Variants in NARS1 observed in about 807,000 individuals in gnomAD.
NARS1 encodes asparagine--tRNA ligase, cytoplasmic.
Under a neutral mutation model 79.2 loss-of-function variants are expected in NARS1, and 65 were observed. That is an observed-to-expected ratio of 0.82 (90% CI 0.67 to 1.01). The LOEUF (loss-of-function observed/expected upper bound fraction) is 1.01. Ranked by LOEUF, NARS1 falls within the 50% of genes least tolerant of loss-of-function variation. The pLI is 0.00. For synonymous variants in NARS1, 229 were observed against 238.8 expected (o/e 0.96, Z 0.38); for missense variants, 649 against 673.8 (o/e 0.96, Z 0.41).
At position 57,600,696 on chromosome 18, in the gene NARS1, A is replaced by G. The variant is rs1050530045; in HGVS notation, c.*956T>C. On this transcript the variant is annotated 3_prime_UTR_variant, in exon 14 of 14. Coordinates refer to ENST00000256854, the MANE Select transcript of NARS1 (RefSeq NM_004539.4). ...TTCATTTATTGACTGCTGGGAATAC[A>G]GCCTATTGAGAATACATGACATGCA... The G allele has an allele frequency of 1.5e-4, 23 of 152,224 alleles. No individual in the cohort carries two copies. Among genetic ancestry groups the G allele is most frequent in the African/African-American group, 4.8e-4 (20 of 41,456 alleles). The allele number at this position is 152,224 out of a possible 1,614,324, so 9.4% of individuals were successfully genotyped here. A position where few individuals can be genotyped will look rare whatever the true frequency, so the allele number is the denominator to read the frequency against.
intron 10 of NARS1, among the ~76,000 whole-genome samples, chr18:57,606,353 AATATAT>A (rs71855772): frequency 0.014 from 149 of 10,942 alleles, 2 homozygotes; most frequent in African/African-American, 0.02. Flanking sequence ...TCAAAAAAAA[AATATAT>A]ATATATATAT....
Position 57,621,795 on chromosome 18 carries a change from C to T in NARS1, c.-78G>A, listed in dbSNP as rs1247364561. On this transcript the variant is annotated 5_prime_UTR_variant, in exon 1 of 14. Coordinates refer to ENST00000256854, the MANE Select transcript of NARS1 (RefSeq NM_004539.4). ...GTCTTATGACTCCAACGTGCACCGGCGGTTTCCGCGATTCCGGCGTTGCAT... is the reference window on the plus strand; with the variant it reads ...GTCTTATGACTCCAACGTGCACCGGTGGTTTCCGCGATTCCGGCGTTGCAT... 4 of 1,607,812 alleles carry T rather than the reference C, an allele frequency of 2.5e-6. No homozygotes were observed. The highest frequency in any genetic ancestry group is 3.4e-6 in the Non-Finnish European group (4 of 1,178,264).
chr18:57,607,869 CTTT>C (rs1197731953), intron 7 of NARS1, among the ~76,000 whole-genome samples: 6 of 142,132 alleles, frequency 4.2e-5, no homozygotes, highest in Admixed American at 1.4e-4. Context: ...ACACAAATAT[CTTT>C]TTTTTTTTTT....
chr18:57,608,846 C>CA (rs1328080971), intron 7 of NARS1, among the ~76,000 whole-genome samples: 1 of 152,208 alleles, frequency 6.6e-6, no homozygotes, highest in Non-Finnish European at 1.5e-5. Context: ...GAGGCAGACC[C>CA]ACCCTCAATG....
In NARS1 at chr18:57,609,351, A is replaced by G. The variant is rs1424946533; in HGVS notation, c.579+6T>C. ...ATTCACCCAGTGCGAAACTCAATCC[A>G]CTCACCTGCTTGCCCTTTGGGGTAA... On this transcript the variant is annotated splice_donor_region_variant and intron_variant, in intron 7 of 13. Coordinates refer to ENST00000256854, the MANE Select transcript of NARS1 (RefSeq NM_004539.4). 3 of 1,609,760 alleles carry G rather than the reference A, an allele frequency of 1.9e-6. No homozygotes were observed. Among genetic ancestry groups the G allele is most frequent in the South Asian group, 2.2e-5 (2 of 90,752 alleles).
chr18:57,614,924 C>A (rs1017601233), intron 4 of NARS1, among the ~76,000 whole-genome samples: 4 of 152,152 alleles, frequency 2.6e-5, no homozygotes, highest in Admixed American at 1.3e-4. Flanking sequence ...GCCTGTATTC[C>A]CAGCACTTTG....
intron 2 of NARS1, among the ~76,000 whole-genome samples, chr18:57,618,844 G>A (rs1238065066): frequency 2.6e-5 from 4 of 152,112 alleles, no homozygotes; most frequent in African/African-American, 9.7e-5. Flanking sequence ...TGAAGCTGCA[G>A]TGAGCCATGA....
intron 5 of NARS1, among the ~76,000 whole-genome samples, chr18:57,612,713 G>C (rs1294886648): frequency 6.6e-6 from 1 of 152,184 alleles, no homozygotes; most frequent in Non-Finnish European, 1.5e-5. Context: ...TGGGATTATA[G>C]GCGTGAGCCA....
chr18:57,607,196 A>G lies in NARS1; in HGVS notation c.939T>C (p.Asp313=), dbSNP rs763121237. Residue 313 remains aspartate (D), a synonymous_variant, in exon 9 of 14, where the codon GAT becomes GAC. Transcript: ENST00000256854. ...YLETCLPALG[D]VFCIAQSYRA... ...GGTATGACTGAGCAATACAAAAAAC[A>G]TCTCCCAGGGCTGGGAGGCAGGTCT... 1 of 1,614,180 alleles carries G rather than the reference A, an allele frequency of 6.2e-7. No homozygotes were observed. Among genetic ancestry groups the G allele is most frequent in the South Asian group, 1.1e-5 (1 of 91,090 alleles).
intron 12 of NARS1, 55 bp downstream of exon 12, chr18:57,602,754 ACAG>A: frequency 1.3e-6 from 2 of 1,558,650 alleles, no homozygotes; most frequent in Non-Finnish European, 1.8e-6. Flanking sequence ...ATTCCAGATG[ACAG>A]TCCCCACCCC....
intron 2 of NARS1, among the ~76,000 whole-genome samples, chr18:57,618,360 T>A (rs950938943): frequency 2.6e-5 from 4 of 151,686 alleles, no homozygotes; most frequent in African/African-American, 9.7e-5. Context: ...TGAATACATG[T>A]AGGTCGTTCG....
Position 57,601,040 on chromosome 18 carries a change from A to T in NARS1, c.*612T>A, listed in dbSNP as rs954466251. On this transcript the variant is annotated 3_prime_UTR_variant, in exon 14 of 14. Coordinates refer to ENST00000256854, the MANE Select transcript of NARS1 (RefSeq NM_004539.4). ...CCTTTAAGGCAATTCTATTTTTACA[A>T]ATTCTTCAATTTCTATGCCTCAGGA... 2 of 152,254 alleles carry T rather than the reference A, an allele frequency of 1.3e-5. No homozygotes were observed. Among genetic ancestry groups the T allele is most frequent in the African/African-American group, 4.8e-5 (2 of 41,586 alleles). The allele number at this position is 152,254 out of a possible 1,614,324, so 9.4% of individuals were successfully genotyped here. A position where few individuals can be genotyped will look rare whatever the true frequency, so the allele number is the denominator to read the frequency against.
At chr18:57,618,611 G>C (rs1439990109) in intron 2 of NARS1, among the ~76,000 whole-genome samples, 1 of 152,068 alleles carries the variant, frequency 6.6e-6, no homozygotes, top group African/African-American at 2.4e-5. Context: ...TGGTTAAAAA[G>C]TAAAACCCAG....
At position 57,607,429 on chromosome 18, in the gene NARS1, C is replaced by T. The variant is rs376869617; in HGVS notation, c.801+15G>A. ...AAAACATATTCTTTGCAAAAGCTGACGAATGCATACTTACTTCATAGTACC... is the reference window on the plus strand; with the variant it reads ...AAAACATATTCTTTGCAAAAGCTGATGAATGCATACTTACTTCATAGTACC... On this transcript the variant is annotated intron_variant, in intron 8 of 13. Transcript: ENST00000256854. The T allele has an allele frequency of 5.0e-5, 80 of 1,612,398 alleles. No homozygotes were observed. Among genetic ancestry groups the T allele is most frequent in the East Asian group, 2.7e-4 (12 of 44,894 alleles).
At position 57,607,628 on chromosome 18, in the gene NARS1, T is replaced by C; in HGVS notation, c.617A>G (p.Glu206Gly). The change falls in exon 8 of 14, where the codon GAA becomes GGA. Residue 206 changes from glutamate to glycine, a missense_variant. Physicochemically the swap from Glu to Gly is moderately conservative, Grantham distance 98. Coordinates refer to ENST00000256854, the MANE Select transcript of NARS1 (RefSeq NM_004539.4). ...TCCAGCAGGGGCCAACCCAATTAGTTCCCAGAAGTCACAACTCAGCTCATG... is the reference window on the plus strand; with the variant it reads ...TCCAGCAGGGGCCAACCCAATTAGTCCCCAGAAGTCACAACTCAGCTCATG... ...GGHELSCDFW[E>G]LIGLAPAGGA... 6.2e-7 allele frequency: 1 copy of C among 1,613,996 alleles called. No homozygotes were observed. The highest frequency in any genetic ancestry group is 1.1e-5 in the South Asian group (1 of 91,080).
In NARS1 at chr18:57,606,684, A is replaced by C. The variant is rs1174747450; in HGVS notation, c.1069T>G (p.Leu357Val). The change falls in exon 10 of 14, where the codon TTG becomes GTG. Residue 357 changes from leucine (L) to valine (V), a missense_variant. Physicochemically the swap from Leu to Val is conservative, Grantham distance 32. Coordinates refer to ENST00000256854, the MANE Select transcript of NARS1 (RefSeq NM_004539.4). Reference sequence around the variant, plus strand: ...ATTCGATCTACCACATCACAAACCAAGTCCTCCAACCGGTTCAGGAGGTCG... The same window carrying C: ...ATTCGATCTACCACATCACAAACCACGTCCTCCAACCGGTTCAGGAGGTCG... ...FDDLLNRLED[L>V]VCDVVDRILK... 1 of 1,614,112 alleles carries C rather than the reference A, an allele frequency of 6.2e-7. No homozygotes were observed. Among genetic ancestry groups the C allele is most frequent in the East Asian group, 2.2e-5 (1 of 44,872 alleles).
At chr18:57,615,539 AC>A in intron 4 of NARS1, 101 bp downstream of exon 4, 1 of 774,258 alleles carries the variant, frequency 1.3e-6, no homozygotes, top group Non-Finnish European at 2.1e-6. Context: ...GAAAGTAAAA[AC>A]AAAATGTAAA....
Position 57,607,593 on chromosome 18 carries a change from T to C in NARS1, c.652A>G (p.Asn218Asp). The C allele has an allele frequency of 6.2e-7, 1 of 1,614,134 alleles. No individual in the cohort carries two copies. The highest frequency in any genetic ancestry group is 8.5e-7 in the Non-Finnish European group (1 of 1,180,034). ...ACGTCAGACTCCTCATTGATCAGGT[T>C]GTCAGCTCCTCCAGCAGGGGCCAAC... ...IGLAPAGGAD[N>D]LINEESDVDV... The change falls in exon 8 of 14, where the codon AAC becomes GAC. Residue 218 changes from asparagine to aspartate, a missense_variant. Transcript: ENST00000256854.
intron 10 of NARS1, 86 bp downstream of exon 10, chr18:57,606,530 T>C (rs866118456): frequency 2.2e-6 from 3 of 1,359,010 alleles, no homozygotes; most frequent in Middle Eastern, 3.8e-4. Context: ...CACCAAGCCA[T>C]CAAATCTACA....
Sources: allele counts gnomAD v4.1 joint callset (sites outside exome capture counted in the v4.1 genomes callset), GRCh38; gene constraint gnomAD v4.1.1; transcripts MANE v1.5; gene names NCBI Gene and HGNC (gene_info 2026-07-23, HGNC 2026-07-21).